ABTB3: variants seen among roughly 807,000 people sequenced by gnomAD.
ABTB3 encodes ankyrin repeat and BTB domain containing 3, also known as ankyrin repeat- and BTB/POZ domain-containing protein 3.
At chr12:107,638,608 G>A in the ABTB3 span, among the ~76,000 whole-genome samples, 1 of 152,198 alleles carries the variant, frequency 6.6e-6, no homozygotes. Flanking sequence ...TTCTGCAACA[G>A]GAGTCAAGGC....
chr12:107,431,595 G>A, the ABTB3 span, among the ~76,000 whole-genome samples: 2 of 152,116 alleles, frequency 1.3e-5, no homozygotes, highest in African/African-American at 4.8e-5. Flanking sequence ...GCCAACAAGA[G>A]CAAGACTCTG....
the ABTB3 span, among the ~76,000 whole-genome samples, chr12:107,500,747 C>T: frequency 2.1e-4 from 32 of 152,254 alleles, no homozygotes; most frequent in Admixed American, 7.2e-4. Flanking sequence ...AAGCAGACCC[C>T]ACTCCGAGAA....
the ABTB3 span, among the ~76,000 whole-genome samples, chr12:107,489,438 C>T: frequency 2.8e-3 from 432 of 152,146 alleles, 3 homozygotes; most frequent in African/African-American, 9.4e-3. Context: ...GAGAATCACT[C>T]GAACCTGGGA....
At chr12:107,545,481 G>C in the ABTB3 span, among the ~76,000 whole-genome samples, 2 of 152,044 alleles carry the variant, frequency 1.3e-5, no homozygotes, top group African/African-American at 4.8e-5. Context: ...CTGGGCTCAA[G>C]CAATCCTCCT....
chr12:107,657,907 G>T, the ABTB3 span: 1 of 630,358 alleles, frequency 1.6e-6, no homozygotes, highest in Admixed American at 2.9e-5. Flanking sequence ...GATCAGCTGG[G>T]TCCAGAGTTT....
At chr12:107,514,842 C>T in the ABTB3 span, among the ~76,000 whole-genome samples, 1 of 152,124 alleles carries the variant, frequency 6.6e-6, no homozygotes, top group Admixed American at 6.5e-5. Context: ...TCATAATCCT[C>T]TAAAAGAAGG....
chr12:107,371,849 C>T, the ABTB3 span, among the ~76,000 whole-genome samples: 1 of 152,158 alleles, frequency 6.6e-6, no homozygotes, highest in East Asian at 1.9e-4. Flanking sequence ...TAATTAAGCA[C>T]AGCACTTTTT....
At chr12:107,540,419 C>T in the ABTB3 span, among the ~76,000 whole-genome samples, 2 of 152,172 alleles carry the variant, frequency 1.3e-5, no homozygotes, top group Non-Finnish European at 2.9e-5. Context: ...CTCACTCAGC[C>T]CACTGATTCA....
the ABTB3 span, among the ~76,000 whole-genome samples, chr12:107,568,528 T>G: frequency 3.9e-5 from 6 of 152,208 alleles, no homozygotes; most frequent in Non-Finnish European, 7.3e-5. Context: ...TGTGGCTATT[T>G]AAAGTTAAAT....
At chr12:107,524,860 G>C in the ABTB3 span, among the ~76,000 whole-genome samples, 260 of 152,290 alleles carry the variant, frequency 1.7e-3, no homozygotes, top group African/African-American at 6.2e-3. Flanking sequence ...CCTGCAAATT[G>C]CTCTGAAGAT....
At chr12:107,399,781 T>G in the ABTB3 span, among the ~76,000 whole-genome samples, 1 of 152,136 alleles carries the variant, frequency 6.6e-6, no homozygotes, top group Admixed American at 6.5e-5. Flanking sequence ...CAACCTGTCA[T>G]CTAGGTTTTA....
At chr12:107,635,133 A>G in the ABTB3 span, 1 of 621,254 alleles carries the variant, frequency 1.6e-6, no homozygotes, top group South Asian at 2.4e-5. Flanking sequence ...CCATGAATGC[A>G]AACGACTTCT....
the ABTB3 span, among the ~76,000 whole-genome samples, chr12:107,508,509 C>A: frequency 8.1e-6 from 1 of 124,136 alleles, no homozygotes. Context: ...TGGAGTGGTG[C>A]AGTGGCATGA....
the ABTB3 span, among the ~76,000 whole-genome samples, chr12:107,597,316 A>G: frequency 1.1e-3 from 160 of 152,358 alleles, 2 homozygotes; most frequent in Admixed American, 6.2e-3. Flanking sequence ...CTATAACAAA[A>G]TACCACAGAA....
chr12:107,550,188 C>T, the ABTB3 span, among the ~76,000 whole-genome samples: 418 of 152,276 alleles, frequency 2.7e-3, 8 homozygotes, highest in East Asian at 0.042. Flanking sequence ...GGCTACATAA[C>T]CTGGGATTGC....
the ABTB3 span, among the ~76,000 whole-genome samples, chr12:107,515,933 A>G: frequency 6.6e-6 from 1 of 152,132 alleles, no homozygotes; most frequent in African/African-American, 2.4e-5. Flanking sequence ...AAGATGGAAG[A>G]GAAGTGAAAA....
the ABTB3 span, among the ~76,000 whole-genome samples, chr12:107,414,721 T>C: frequency 8.3e-4 from 121 of 146,322 alleles, no homozygotes; most frequent in Middle Eastern, 3.4e-3. Context: ...CTTTTCTTTT[T>C]CTTTTTTTTT....
the ABTB3 span, among the ~76,000 whole-genome samples, chr12:107,492,925 G>A: frequency 6.6e-6 from 1 of 152,004 alleles, no homozygotes; most frequent in Non-Finnish European, 1.5e-5. Flanking sequence ...CTGAGGGCAG[G>A]GAAGAACTTT....
the ABTB3 span, among the ~76,000 whole-genome samples, chr12:107,456,418 C>T: frequency 2.6e-5 from 4 of 152,320 alleles, no homozygotes; most frequent in Admixed American, 1.3e-4. Flanking sequence ...CAGAGTGGCA[C>T]GAACCGTATT....
Sources: gnomAD v4.1 joint callset for allele counts (sites outside exome capture counted in the v4.1 genomes callset) on GRCh38, gnomAD v4.1.1 for gene constraint, MANE v1.5 for transcripts, NCBI Gene and HGNC (gene_info 2026-07-23, HGNC 2026-07-21) for gene names.